Variants in CLCA4 observed in about 807,000 individuals in gnomAD.
CLCA4 encodes chloride channel accessory 4.
CLCA4 carries 69 observed loss-of-function variants against 78.9 expected under a neutral mutation model. The observed-to-expected ratio is 0.87, with a 90% CI of 0.72 to 1.07. The LOEUF is 1.07. Ranked by LOEUF, CLCA4 falls within the 50% of genes least tolerant of loss-of-function variation. The probability of loss-of-function intolerance (pLI) is 0.00; values close to 1 mark genes in which losing one functional copy is unlikely to be tolerated. For synonymous variants in CLCA4, 362 were observed against 375.8 expected (o/e 0.96, Z 0.42); for missense variants, 1,133 against 1,095.8 (o/e 1.03, Z -0.48).
At chr1:86,572,750 G>T in intron 9 of CLCA4, 30 bp downstream of exon 9, 1 of 1,284,422 alleles carries the variant, frequency 7.8e-7, no homozygotes, top group Non-Finnish European at 1.1e-6. Context: ...GGGTTTTCAT[G>T]TTCACTTTTG....
intron 9 of CLCA4, chr1:86,572,983 A>G (rs541489196): frequency 2.6e-6 from 1 of 389,068 alleles, no homozygotes; most frequent in African/African-American, 2.0e-5. Context: ...ACAATGTTAT[A>G]ATGTCAAATT....
At chr1:86,556,720 C>A (rs1313775014) in intron 1 of CLCA4, among the ~76,000 whole-genome samples, 1 of 152,086 alleles carries the variant, frequency 6.6e-6, no homozygotes, top group Non-Finnish European at 1.5e-5. Flanking sequence ...GGAGAGGATC[C>A]CTCCCTCCTC....
chr1:86,557,833 G>A (rs904333290), intron 1 of CLCA4, among the ~76,000 whole-genome samples: 16 of 152,036 alleles, frequency 1.1e-4, no homozygotes, highest in African/African-American at 1.4e-4. Flanking sequence ...CTCTTTTTAC[G>A]TCTCTAAGAA....
chr1:86,559,747 G>A (rs1436903148), intron 1 of CLCA4, among the ~76,000 whole-genome samples, 185 bp from the exon 2 acceptor site: 6 of 152,174 alleles, frequency 3.9e-5, no homozygotes, highest in South Asian at 2.1e-4. Context: ...GGCTTTCAAC[G>A]TGCAGGAATA....
chr1:86,575,366 C>T lies in CLCA4; in HGVS notation c.1718C>T (p.Ala573Val), dbSNP rs778796052. Residue 573 changes from alanine (A) to valine (V), a missense_variant, in exon 11 of 14, where the codon GCG becomes GTG. Ala to Val is a moderately conservative substitution (Grantham distance 64). Transcript: ENST00000370563. ...TGGGCATACAATCTTCAAGCCAAAG[C>T]GAACCCAGAAACATTAACTATTACA... The part of the protein sequence containing the change: ...GTWAYNLQAK[A>V]NPETLTITVT... 91 of 1,612,968 alleles carry T rather than the reference C, an allele frequency of 5.6e-5. No homozygotes were observed. The highest frequency in any genetic ancestry group is 1.6e-4 in the Middle Eastern group (1 of 6,070).
intron 1 of CLCA4, chr1:86,553,085 A>G (rs6676936): frequency 1 from 704,552 of 706,350 alleles, 351,381 homozygotes; most frequent in Middle Eastern, 1. Flanking sequence ...AGCGGCGCCC[A>G]CCCTGCAGCC....
chr1:86,559,444 T>C (rs1649948766), intron 1 of CLCA4, among the ~76,000 whole-genome samples: 1 of 152,188 alleles, frequency 6.6e-6, no homozygotes, highest in Admixed American at 6.5e-5. Flanking sequence ...TTCTTATAAA[T>C]AGTAATGATA....
At chr1:86,577,028 C>T (rs976244346) in intron 11 of CLCA4, among the ~76,000 whole-genome samples, 3 of 152,100 alleles carry the variant, frequency 2.0e-5, no homozygotes, top group African/African-American at 7.2e-5. Flanking sequence ...ATATCTTCAA[C>T]TAGAGTTGCC....
rs775267369 is a variant in CLCA4, at chr1:86,547,124, G to T, written c.5G>T (p.Gly2Val). 4 of 1,602,378 alleles carry T rather than the reference G, an allele frequency of 2.5e-6. No individual in the cohort carries two copies. The African/African-American group carries it at 4.0e-5, about 16-fold the overall frequency. Residue 2 changes from glycine (G) to valine (V), a missense_variant, in exon 1 of 14, where the codon GGG (glycine) becomes GTG (valine). Physicochemically the swap from Gly to Val is moderately radical, Grantham distance 109. Coordinates refer to ENST00000370563, the MANE Select transcript of CLCA4 (RefSeq NM_012128.4). M[G>V]LFRGFVFLLV... is the part of the protein sequence containing the mutation. The stretch of plus-strand genomic sequence containing the variant: ...AGGAATAACTAGAGAGGAACAATGG[G>T]GTTATTCAGAGGTTTTGTTTTCCTC...
chr1:86,554,860 G>T (rs1053413327), intron 1 of CLCA4, among the ~76,000 whole-genome samples: 72 of 140,724 alleles, frequency 5.1e-4, no homozygotes, highest in African/African-American at 1.7e-3. Context: ...CAAGCATCTG[G>T]TTTTTTTTTT....
At chr1:86,562,840 C>T (rs1162535623) in intron 3 of CLCA4, among the ~76,000 whole-genome samples, 2 of 129,440 alleles carry the variant, frequency 1.5e-5, no homozygotes, top group African/African-American at 3.0e-5. Flanking sequence ...GGCGACAGTG[C>T]GAGACTCCAT....
At chr1:86,552,734 G>C in intron 1 of CLCA4, 2 of 1,437,200 alleles carry the variant, frequency 1.4e-6, no homozygotes, top group South Asian at 2.3e-5. Flanking sequence ...ACAGGGGCCC[G>C]GCCCGGCACC....
intron 1 of CLCA4, among the ~76,000 whole-genome samples, chr1:86,550,405 G>A (rs186841039): frequency 1.3e-5 from 2 of 152,148 alleles, no homozygotes; most frequent in African/African-American, 2.4e-5. Context: ...GAATTACTTG[G>A]ATGGGCAAAA....
chr1:86,553,947 T>G (rs573824704), intron 1 of CLCA4, among the ~76,000 whole-genome samples: 5 of 152,118 alleles, frequency 3.3e-5, no homozygotes, highest in Admixed American at 2.6e-4. Context: ...AAAAAAAAGT[T>G]TGTGTGTCAA....
chr1:86,565,599 G>A (rs1023016243), intron 5 of CLCA4, 148 bp downstream of exon 5: 14 of 684,478 alleles, frequency 2.0e-5, no homozygotes, highest in Non-Finnish European at 3.3e-5. Flanking sequence ...TGCTGAACTA[G>A]TGCTATCTAG....
intron 13 of CLCA4, 67 bp downstream of exon 13, chr1:86,579,654 AGGGT>A: frequency 1.7e-6 from 1 of 603,668 alleles, no homozygotes; most frequent in Non-Finnish European, 3.2e-6. Flanking sequence ...CAGGGGTGTA[AGGGT>A]GGGTGGGGGG....
intron 1 of CLCA4, 141 bp from the exon 2 acceptor site, chr1:86,559,791 A>G: frequency 3.0e-6 from 2 of 666,988 alleles, no homozygotes; most frequent in Non-Finnish European, 2.6e-6. Context: ...TGGCAGAGTT[A>G]GAATAATGAG....
Position 86,565,330 on chromosome 1 carries a change from G to C in CLCA4, c.614G>C (p.Cys205Ser). ...NRVYKCQGGS[C>S]LSRACRIDST... is the part of the protein sequence containing the mutation. Reference sequence around the variant, plus strand: ...GTTTATAAGTGTCAAGGAGGCAGCTGTCTTAGTAGAGCATGCAGAATTGAT... The same window carrying C: ...GTTTATAAGTGTCAAGGAGGCAGCTCTCTTAGTAGAGCATGCAGAATTGAT... The change falls in exon 5 of 14, where the codon TGT becomes TCT. Residue 205 changes from cysteine to serine, a missense_variant. Coordinates refer to ENST00000370563, the MANE Select transcript of CLCA4 (RefSeq NM_012128.4). 1 of 1,610,802 alleles carries C rather than the reference G, an allele frequency of 6.2e-7. No individual in the cohort carries two copies. Among genetic ancestry groups the C allele is most frequent in the Non-Finnish European group, 8.5e-7 (1 of 1,177,844 alleles).
chr1:86,559,118 A>C (rs1168901248), intron 1 of CLCA4, among the ~76,000 whole-genome samples: 1 of 152,070 alleles, frequency 6.6e-6, no homozygotes, highest in African/African-American at 2.4e-5. Flanking sequence ...GGAAGTTTTC[A>C]TAGATGATAT....
Sources: gnomAD v4.1 joint callset for allele counts (sites outside exome capture counted in the v4.1 genomes callset) on GRCh38, gnomAD v4.1.1 for gene constraint, MANE v1.5 for transcripts, NCBI Gene and HGNC (gene_info 2026-07-23, HGNC 2026-07-21) for gene names.